GRM5: variants seen among roughly 807,000 people sequenced by gnomAD.
GRM5 encodes metabotropic glutamate receptor 5.
GRM5 carries 19 observed loss-of-function variants against 83.1 expected under a neutral mutation model. The observed-to-expected ratio is 0.23, with a 90% CI of 0.16 to 0.34. GRM5 has a LOEUF of 0.34. Among genes scored for constraint, GRM5 ranks in the 10% least tolerant of loss-of-function variants. The pLI is 1.00. For synonymous variants in GRM5, 675 were observed against 633.6 expected (o/e 1.07, Z -0.98); for missense variants, 1,160 against 1,588.3 (o/e 0.73, Z 4.58).
At chr11:88,536,612 GT>G (rs1942140741) in intron 8 of GRM5, among the ~76,000 whole-genome samples, 1 of 152,028 alleles carries the variant, frequency 6.6e-6, no homozygotes, top group African/African-American at 2.4e-5. Context: ...TCCCATGTTG[GT>G]TCCTTGAACA....
At chr11:88,696,515 T>C (rs746831483) in intron 3 of GRM5, among the ~76,000 whole-genome samples, 1 of 152,188 alleles carries the variant, frequency 6.6e-6, no homozygotes, top group Non-Finnish European at 1.5e-5. Flanking sequence ...ATTTGAACAT[T>C]AAATAATCAT....
At chr11:88,614,929 T>A (rs1393650316) in intron 4 of GRM5, among the ~76,000 whole-genome samples, 1 of 152,150 alleles carries the variant, frequency 6.6e-6, no homozygotes, top group Non-Finnish European at 1.5e-5. Flanking sequence ...TTTTTAAAAA[T>A]TATTCTAAAT....
chr11:88,651,454 T>G (rs1279991288), intron 4 of GRM5, among the ~76,000 whole-genome samples: 1 of 151,972 alleles, frequency 6.6e-6, no homozygotes, highest in Non-Finnish European at 1.5e-5. Flanking sequence ...ATAGTAATAA[T>G]TATACAAACA....
chr11:88,763,581 G>T (rs1266102893), intron 3 of GRM5, among the ~76,000 whole-genome samples: 1 of 151,802 alleles, frequency 6.6e-6, no homozygotes, highest in Non-Finnish European at 1.5e-5. Context: ...GTGTAAAATT[G>T]TAATGGTAAA....
At chr11:88,914,565 C>T (rs1306770099) in intron 2 of GRM5, among the ~76,000 whole-genome samples, 1 of 152,132 alleles carries the variant, frequency 6.6e-6, no homozygotes, top group Non-Finnish European at 1.5e-5. Flanking sequence ...GACATGGCAG[C>T]TTGGACTAAG....
chr11:88,772,670 A>G (rs1482706559), intron 3 of GRM5, among the ~76,000 whole-genome samples: 3 of 151,990 alleles, frequency 2.0e-5, no homozygotes, highest in African/African-American at 4.8e-5. Context: ...TCACTGTTCA[A>G]TTCCCACCTA....
intron 2 of GRM5, among the ~76,000 whole-genome samples, chr11:88,959,482 ATAACT>A (rs1938719664): frequency 6.6e-6 from 1 of 152,006 alleles, no homozygotes; most frequent in Admixed American, 6.6e-5. Context: ...AAGTTTCTAA[ATAACT>A]TTATTTTTAT....
rs1942576782 is a variant in GRM5 at position 88,554,300 on chromosome 11, A to G, written c.2630+12753T>C. ...CTCTGGCACCCCGCTTCCCTCTTGT[A>G]ATATCTTTGTGATCACATTGGGCCC... On this transcript the variant is annotated intron_variant, in intron 8 of 9. Coordinates refer to ENST00000305447, the MANE Select transcript of GRM5 (RefSeq NM_001143831.3). Among the ~76,000 whole-genome samples, 3 of 152,058 alleles carry G rather than the reference A, an allele frequency of 2.0e-5. No homozygotes were observed. In the South Asian group the frequency reaches 6.2e-4, roughly 31 times the overall value.
intron 3 of GRM5, among the ~76,000 whole-genome samples, chr11:88,668,042 A>C (rs1253212651): frequency 2.0e-5 from 3 of 152,160 alleles, no homozygotes; most frequent in East Asian, 3.8e-4. Context: ...GTAAAAGGGC[A>C]GCCAAAAAGA....
chr11:89,025,493 C>T (rs1001445009), intron 2 of GRM5, among the ~76,000 whole-genome samples: 14 of 152,190 alleles, frequency 9.2e-5, no homozygotes, highest in South Asian at 4.2e-4. Context: ...ATAGGAACTA[C>T]GCAATAACCT....
Position 89,045,974 on chromosome 11 carries a change from G to A in GRM5, c.661+1238C>T, listed in dbSNP as rs141555097. On this transcript the variant is annotated intron_variant, in intron 2 of 9. Coordinates refer to ENST00000305447, the MANE Select transcript of GRM5 (RefSeq NM_001143831.3). ...CACCATGACCCCCATAACCACAGAG[G>A]AGGAGGTGATTTTTTTCTCCATCAA... Among the ~76,000 whole-genome samples, 210 of 152,208 alleles carry A rather than the reference G, an allele frequency of 1.4e-3. 1 individual carries two copies. The highest frequency in any genetic ancestry group is 4.8e-3 in the African/African-American group (201 of 41,542).
chr11:88,840,537 T>C (rs1325328377), intron 3 of GRM5, among the ~76,000 whole-genome samples: 1 of 152,226 alleles, frequency 6.6e-6, no homozygotes, highest in Non-Finnish European at 1.5e-5. Context: ...TCATAAATAT[T>C]GTGAAGTGAT....
At chr11:88,890,138 C>CATCCCCAG (rs1555035404) in intron 2 of GRM5, among the ~76,000 whole-genome samples, 1 of 148,214 alleles carries the variant, frequency 6.7e-6, no homozygotes, top group South Asian at 2.2e-4. Context: ...CACATCCCCA[C>CATCCCCAG]CCCCGACTGA....
chr11:88,932,688 T>C (rs1937754434), intron 2 of GRM5, among the ~76,000 whole-genome samples: 1 of 151,384 alleles, frequency 6.6e-6, no homozygotes, highest in African/African-American at 2.4e-5. Flanking sequence ...ATTTTGGTAA[T>C]TTAAAAATCA....
chr11:88,569,136 A>G (rs568773328), intron 7 of GRM5, among the ~76,000 whole-genome samples: 1 of 152,288 alleles, frequency 6.6e-6, no homozygotes, highest in East Asian at 1.9e-4. Context: ...TGGGTGTCCC[A>G]TTGGTTGAGC....
chr11:88,508,856 T>A lies in GRM5; in HGVS notation c.3375A>T (p.Gly1125=). Residue 1125 remains glycine, a synonymous_variant, in exon 10 of 10, where the codon GGA becomes GGT. Transcript: ENST00000305447. The surrounding 1 kb of genome is among the most constrained non-coding windows in gnomAD (Gnocchi z 4.2). The part of the protein sequence containing the change: ...IQPLPAIEVT[G]GAQPAAGAQA... ...GCGCCCCTGCCGCGGGCTGCGCGCCTCCCGTGACTTCGATGGCCGGCAGAG... is the reference window on the plus strand; with the variant it reads ...GCGCCCCTGCCGCGGGCTGCGCGCCACCCGTGACTTCGATGGCCGGCAGAG... 4 of 1,570,952 alleles carry A rather than the reference T, an allele frequency of 2.5e-6. No homozygotes were observed. Among genetic ancestry groups the A allele is most frequent in the African/African-American group, 2.8e-5 (2 of 72,518 alleles).
At chr11:88,723,006 C>G (rs1026893134) in intron 3 of GRM5, among the ~76,000 whole-genome samples, 1 of 152,036 alleles carries the variant, frequency 6.6e-6, no homozygotes, top group Non-Finnish European at 1.5e-5. Flanking sequence ...TCCCCTGTGC[C>G]CTGCCCATTC....
At chr11:88,866,222 C>T (rs200022116) in intron 2 of GRM5, among the ~76,000 whole-genome samples, 1 of 151,922 alleles carries the variant, frequency 6.6e-6, no homozygotes, top group Non-Finnish European at 1.5e-5. Context: ...ACTATGCAGC[C>T]ATAAAAAAGG....
At chr11:88,851,899 C>T (rs1004833513) in intron 2 of GRM5, among the ~76,000 whole-genome samples, 1 of 152,150 alleles carries the variant, frequency 6.6e-6, no homozygotes, top group Non-Finnish European at 1.5e-5. Context: ...TTGCAATTAA[C>T]AAAGTTTAAA....
Sources: allele counts gnomAD v4.1 joint callset (sites outside exome capture counted in the v4.1 genomes callset), GRCh38; gene constraint gnomAD v4.1.1; non-coding constraint Gnocchi (gnomAD v3.1); transcripts MANE v1.5; gene names NCBI Gene and HGNC (gene_info 2026-07-23, HGNC 2026-07-21).